DNAH11: variants seen among roughly 807,000 people sequenced by gnomAD.
The protein encoded by DNAH11 is axonemal beta dynein heavy chain 11.
In DNAH11, 442 loss-of-function variants were observed where a neutral mutation model predicts 526.0. The observed-to-expected ratio is 0.84, with a 90% CI of 0.78 to 0.91. DNAH11 has a LOEUF of 0.91. DNAH11 is among the 40% of genes least tolerant of loss of function. DNAH11 has a pLI of 0.00. For synonymous variants in DNAH11, 2,461 were observed against 1,935.9 expected, an observed-to-expected ratio of 1.27 and a Z score of -7.12; for missense variants, 6,989 against 5,448.7, an observed-to-expected ratio of 1.28 and a Z score of -8.90.
chr7:21,671,703 TA>T (rs899666844), intron 30 of DNAH11, among the ~76,000 whole-genome samples: 4 of 152,186 alleles, frequency 2.6e-5, no homozygotes, highest in African/African-American at 9.6e-5. Context: ...ACTTTGAGCT[TA>T]ATTTGTTCCT....
chr7:21,890,836 T>C (rs921101123), intron 76 of DNAH11, among the ~76,000 whole-genome samples: 3 of 152,178 alleles, frequency 2.0e-5, no homozygotes, highest in African/African-American at 7.2e-5. Flanking sequence ...GTCCAACTTC[T>C]TCCTTCCCAT....
intron 2 of DNAH11, among the ~76,000 whole-genome samples, chr7:21,549,901 G>A (rs372236249): frequency 1.3e-5 from 2 of 152,256 alleles, no homozygotes; most frequent in South Asian, 2.1e-4. Flanking sequence ...AACCTGGCAG[G>A]CATTAAATCT....
chr7:21,624,247 T>C (rs1013793890), intron 25 of DNAH11, among the ~76,000 whole-genome samples: 1 of 152,164 alleles, frequency 6.6e-6, no homozygotes, highest in African/African-American at 2.4e-5. Flanking sequence ...TTTTCATCAA[T>C]GTTTTGTGGT....
rs147892714 is a variant in DNAH11 at position 21,846,257 on chromosome 7, C to G, written c.10896+3509C>G. ...TGTCTTAAGGCATTAGTTAGGACTT[C>G]TAGTACAATGTTGAGTAGGAGTGGA... is the stretch of plus-strand genomic sequence containing the variant. On this transcript the variant is annotated intron_variant, in intron 66 of 81. Transcript: ENST00000409508. Among the ~76,000 whole-genome samples the G allele has an allele frequency of 2.1e-3, 324 of 152,172 alleles. 1 individual carries two copies. The highest frequency in any genetic ancestry group is 0.014 in the Middle Eastern group (4 of 292).
rs774665658 is a variant in DNAH11 at position 21,588,199 on chromosome 7, C to G, written c.1846C>G (p.Gln616Glu). Reference sequence around the variant, plus strand: ...GCAACTGTATAATGAACACATGAAACAGGTAAGTGGTGGATAAGGTTGGAC... The same window carrying G: ...GCAACTGTATAATGAACACATGAAAGAGGTAAGTGGTGGATAAGGTTGGAC... ...CKQLYNEHMK[Q>E]IECGHVVLNK... is the part of the protein sequence containing the mutation. Residue 616 changes from glutamine (Q) to glutamate (E), a missense_variant and splice_region_variant, in exon 10 of 82, where the codon CAG (glutamine) becomes GAG (glutamate). Physicochemically the swap from Gln to Glu is conservative, Grantham distance 29 (BLOSUM62 2). Coordinates refer to ENST00000409508, the MANE Select transcript of DNAH11 (RefSeq NM_001277115.2). 1.1e-5 allele frequency: 17 copies of G among 1,610,646 alleles called. No homozygotes were observed. Among genetic ancestry groups the G allele is most frequent in the Non-Finnish European group, 1.4e-5 (17 of 1,178,764 alleles).
intron 35 of DNAH11, among the ~76,000 whole-genome samples, chr7:21,697,290 C>A (rs1277995170): frequency 6.6e-6 from 1 of 151,830 alleles, no homozygotes; most frequent in Non-Finnish European, 1.5e-5. Flanking sequence ...AGTCCCTCTC[C>A]AAAAGAAAGG....
intron 26 of DNAH11, 100 bp downstream of exon 26, chr7:21,636,195 T>A: frequency 9.8e-7 from 1 of 1,024,732 alleles, no homozygotes; most frequent in Non-Finnish European, 1.4e-6. Context: ...TTTGCATGAG[T>A]AAGCAGGAGT....
chr7:21,604,915 A>G (rs1356117101), intron 18 of DNAH11, among the ~76,000 whole-genome samples: 1 of 152,186 alleles, frequency 6.6e-6, no homozygotes, highest in Non-Finnish European at 1.5e-5. Flanking sequence ...AGAAGCCACG[A>G]GAGGGAAGGA....
intron 32 of DNAH11, among the ~76,000 whole-genome samples, chr7:21,685,165 C>G (rs570557079): frequency 6.6e-6 from 1 of 152,154 alleles, no homozygotes; most frequent in African/African-American, 2.4e-5. Flanking sequence ...ATTCACTGTC[C>G]TCATTAGTTA....
In DNAH11 at chr7:21,704,964, T is replaced by C. The variant is rs372208382; in HGVS notation, c.6468+336T>C. Reference sequence around the variant, plus strand: ...TTAGAGAACATTGGAAGTAAAATCATTAGTGCCTGCTTTTAATGAGGGAAG... The same window carrying C: ...TTAGAGAACATTGGAAGTAAAATCACTAGTGCCTGCTTTTAATGAGGGAAG... On this transcript the variant is annotated intron_variant, in intron 38 of 81. Coordinates refer to ENST00000409508, the MANE Select transcript of DNAH11 (RefSeq NM_001277115.2). Among the ~76,000 whole-genome samples, 42 of 152,332 alleles carry C rather than the reference T, an allele frequency of 2.8e-4. 1 individual carries two copies. Among genetic ancestry groups the C allele is most frequent in the African/African-American group, 9.9e-4 (41 of 41,568 alleles).
chr7:21,687,383 C>A lies in DNAH11; in HGVS notation c.5780C>A (p.Ser1927Tyr). ...TGAGTGCCTCACTTTATCATTTAGT[C>A]CATAGGCAATATCTATAAGGGATTG... is the stretch of plus-strand genomic sequence containing the variant. ...FNCSEQMDYK[S>Y]IGNIYKGLVQ... Residue 1927 changes from serine (S) to tyrosine (Y), a missense_variant and splice_region_variant, in exon 34 of 82, where the codon TCC becomes TAC. Ser to Tyr is a moderately radical substitution (Grantham distance 144). Transcript: ENST00000409508. 2 of 1,608,614 alleles carry A rather than the reference C, an allele frequency of 1.2e-6. No homozygotes were observed. The highest frequency in any genetic ancestry group is 3.4e-5 in the Admixed American group (2 of 59,418).
At chr7:21,827,493 C>T (rs749484056) in intron 65 of DNAH11, among the ~76,000 whole-genome samples, 24 of 150,718 alleles carry the variant, frequency 1.6e-4, no homozygotes, top group Non-Finnish European at 2.7e-4. Flanking sequence ...TATGTATTTC[C>T]GGTTGTTTTG....
At chr7:21,580,405 T>C (rs1784264628) in intron 8 of DNAH11, among the ~76,000 whole-genome samples, 1 of 152,228 alleles carries the variant, frequency 6.6e-6, no homozygotes, top group South Asian at 2.1e-4. Context: ...AAATATAACA[T>C]TGTGGTGTAT....
chr7:21,543,733 A>C, intron 1 of DNAH11, 137 bp downstream of exon 1: 1 of 878,434 alleles, frequency 1.1e-6, no homozygotes, highest in Non-Finnish European at 1.7e-6. Context: ...CCCCATCCTG[A>C]GGCCCGCAGG....
chr7:21,838,058 C>G (rs1000410450), intron 65 of DNAH11, among the ~76,000 whole-genome samples: 13 of 152,172 alleles, frequency 8.5e-5, no homozygotes, highest in African/African-American at 3.1e-4. Flanking sequence ...CAGTGAATAG[C>G]ACTAACAAAG....
In DNAH11 at chr7:21,588,189, A is replaced by G; in HGVS notation, c.1836A>G (p.Glu612=). ...ATGTGTGTAAGCAACTGTATAATGAACACATGAAACAGGTAAGTGGTGGAT... is the reference window on the plus strand; with the variant it reads ...ATGTGTGTAAGCAACTGTATAATGAGCACATGAAACAGGTAAGTGGTGGAT... ...ELDVCKQLYN[E]HMKQIECGHV... Residue 612 remains glutamate, a synonymous_variant, in exon 10 of 82, where the codon GAA becomes GAG. Transcript: ENST00000409508. 1 of 1,611,502 alleles carries G rather than the reference A, an allele frequency of 6.2e-7. No individual in the cohort carries two copies. Among genetic ancestry groups the G allele is most frequent in the Non-Finnish European group, 8.5e-7 (1 of 1,179,080 alleles).
intron 65 of DNAH11, among the ~76,000 whole-genome samples, chr7:21,821,273 CAG>C (rs1790038708): frequency 2.6e-5 from 4 of 152,100 alleles, no homozygotes; most frequent in Admixed American, 2.0e-4. Context: ...ATTTCTAAAA[CAG>C]AAGTCTAAAA....
rs76568865 is a variant in DNAH11, at chr7:21,600,595, A to G, written c.3001-81A>G. On this transcript the variant is annotated intron_variant, in intron 15 of 81. Coordinates refer to ENST00000409508, the MANE Select transcript of DNAH11 (RefSeq NM_001277115.2). ...CTAACTACTCTCCCTTTGAAGAATTACCTTGGTAATGTTATGTTGTAGATA... is the reference window on the plus strand; with the variant it reads ...CTAACTACTCTCCCTTTGAAGAATTGCCTTGGTAATGTTATGTTGTAGATA... The G allele has an allele frequency of 6.9e-4, 957 of 1,381,984 alleles. 4 individuals are homozygous for G. The Middle Eastern group carries it at 8.2e-3, about 12-fold the overall frequency. The allele number at this position is 1,381,984 out of a possible 1,614,324, so 85.6% of individuals were successfully genotyped here.
chr7:21,796,615 G>A (rs535212385), intron 61 of DNAH11, among the ~76,000 whole-genome samples: 1 of 152,200 alleles, frequency 6.6e-6, no homozygotes, highest in South Asian at 2.1e-4. Context: ...AGGGAGGGAA[G>A]GGAACCATCA....
Sources: allele counts gnomAD v4.1 joint callset (sites outside exome capture counted in the v4.1 genomes callset), GRCh38; gene constraint gnomAD v4.1.1; transcripts MANE v1.5; gene names NCBI Gene and HGNC (gene_info 2026-07-23, HGNC 2026-07-21).